PPP2R5E: variants seen among roughly 807,000 people sequenced by gnomAD.
The protein encoded by PPP2R5E is protein phosphatase 2 regulatory subunit B'epsilon, also known as serine/threonine-protein phosphatase 2A 56 kDa regulatory subunit epsilon isoform.
A neutral mutation model predicts 65.3 loss-of-function variants in PPP2R5E; 4 were observed. The ratio of observed to expected loss-of-function variants is 0.06; its 90% CI spans 0.03 to 0.14. The LOEUF is 0.14. Among genes scored for constraint, PPP2R5E ranks in the 10% least tolerant of loss-of-function variants. PPP2R5E has a pLI of 1.00. For synonymous variants in PPP2R5E, 183 were observed against 187.4 expected (o/e 0.98, Z 0.19); for missense variants, 274 against 556.1 (o/e 0.49, Z 5.10).
intron 2 of PPP2R5E, among the ~76,000 whole-genome samples, chr14:63,536,289 T>G (rs1409562433): frequency 2.0e-5 from 3 of 152,284 alleles, no homozygotes; most frequent in African/African-American, 7.2e-5. Flanking sequence ...ATGCTCAACA[T>G]CACTAATCAT....
At chr14:63,376,960 C>T (rs539873669) in intron 13 of PPP2R5E, among the ~76,000 whole-genome samples, 184 of 152,010 alleles carry the variant, frequency 1.2e-3, no homozygotes, top group African/African-American at 4.3e-3. Flanking sequence ...CAGTGAGACC[C>T]CGTCTCTACT....
intron 2 of PPP2R5E, among the ~76,000 whole-genome samples, chr14:63,518,879 T>G (rs1456321301): frequency 6.6e-6 from 1 of 152,074 alleles, no homozygotes; most frequent in African/African-American, 2.4e-5. Flanking sequence ...TTTACTTTCT[T>G]AATAAACTTG....
At chr14:63,417,615 A>C (rs1886773828) in intron 4 of PPP2R5E, among the ~76,000 whole-genome samples, 1 of 152,168 alleles carries the variant, frequency 6.6e-6, no homozygotes, top group Admixed American at 6.5e-5. Flanking sequence ...CCATTGTATC[A>C]TGTAGAATAT....
chr14:63,515,493 T>A (rs1892633770), intron 2 of PPP2R5E, among the ~76,000 whole-genome samples: 1 of 152,120 alleles, frequency 6.6e-6, no homozygotes, highest in South Asian at 2.1e-4. Context: ...CTACTTCAAA[T>A]ACACATAATG....
At chr14:63,465,335 C>G (rs527836656) in intron 2 of PPP2R5E, among the ~76,000 whole-genome samples, 1 of 150,428 alleles carries the variant, frequency 6.6e-6, no homozygotes, top group African/African-American at 2.4e-5. Flanking sequence ...AATTTTTGAC[C>G]GGGCATGGTG....
At chr14:63,384,337 C>G in intron 12 of PPP2R5E, 107 bp downstream of exon 12, 1 of 1,321,148 alleles carries the variant, frequency 7.6e-7, no homozygotes, top group South Asian at 1.3e-5. Flanking sequence ...TTTATCTTTT[C>G]ACATACGTCT....
chr14:63,518,134 G>A (rs1004275568), intron 2 of PPP2R5E, among the ~76,000 whole-genome samples: 6 of 152,186 alleles, frequency 3.9e-5, no homozygotes, highest in East Asian at 3.9e-4. Flanking sequence ...GTGTTGCAGC[G>A]ATGCAATCAC....
chr14:63,490,939 A>C (rs1481809355), intron 2 of PPP2R5E, among the ~76,000 whole-genome samples: 1 of 152,044 alleles, frequency 6.6e-6, no homozygotes, highest in African/African-American at 2.4e-5. Flanking sequence ...CTGCACTCTC[A>C]TGTTCATCAT....
chr14:63,401,289 T>C (rs1423615815), intron 5 of PPP2R5E, among the ~76,000 whole-genome samples: 2 of 152,126 alleles, frequency 1.3e-5, no homozygotes, highest in Admixed American at 6.6e-5. Flanking sequence ...TGAGTGTGCT[T>C]AGTCATATCT....
intron 2 of PPP2R5E, among the ~76,000 whole-genome samples, chr14:63,497,813 T>C (rs1323485701): frequency 6.6e-6 from 1 of 152,114 alleles, no homozygotes; most frequent in Admixed American, 6.5e-5. Flanking sequence ...TCAAGGTTTA[T>C]GCAGAAAGTG....
Position 63,391,981 on chromosome 14 carries a change from G to T in PPP2R5E, c.894C>A (p.Leu298=), listed in dbSNP as rs1319779880. The T allele has an allele frequency of 3.1e-6, 5 of 1,611,072 alleles. No individual in the cohort carries two copies. In the East Asian group the frequency reaches 1.1e-4, roughly 36 times the overall value. ...TGGAAAAAAGACTTACTGGTTCTGT[G>T]AGTGAAGGATCTTTCTCCAGAAACT... is the stretch of plus-strand genomic sequence containing the variant. ...IVQFLEKDPS[L]TEPVIRGLMK... The change falls in exon 9 of 14, where the codon CTC becomes CTA. Residue 298 remains leucine (L), a synonymous_variant. Coordinates refer to ENST00000337537, the MANE Select transcript of PPP2R5E (RefSeq NM_006246.5).
At chr14:63,468,607 C>G (rs1889958109) in intron 2 of PPP2R5E, among the ~76,000 whole-genome samples, 1 of 152,200 alleles carries the variant, frequency 6.6e-6, no homozygotes, top group Admixed American at 6.5e-5. Context: ...TGGATGAGCA[C>G]TGCCAAAACA....
At chr14:63,453,324 TAA>T (rs527370553) in intron 3 of PPP2R5E, 26 of 150,064 alleles carry the variant, frequency 1.7e-4, no homozygotes, top group Admixed American at 3.3e-4. Flanking sequence ...TGAATAAGAT[TAA>T]AAAAAAAAAA....
At chr14:63,507,572 TCTC>T (rs1892251416) in intron 2 of PPP2R5E, among the ~76,000 whole-genome samples, 1 of 145,234 alleles carries the variant, frequency 6.9e-6, no homozygotes, top group Non-Finnish European at 1.5e-5. Flanking sequence ...CAAGGGTAAT[TCTC>T]TTTTTTTTTT....
chr14:63,382,205 G>T, intron 12 of PPP2R5E, 48 bp from the exon 13 acceptor site: 1 of 1,456,284 alleles, frequency 6.9e-7, no homozygotes. Flanking sequence ...CTTATAAAAT[G>T]GGATACTGAA....
chr14:63,501,990 G>A (rs902048754), intron 2 of PPP2R5E, among the ~76,000 whole-genome samples: 3 of 152,130 alleles, frequency 2.0e-5, no homozygotes, highest in African/African-American at 7.2e-5. Flanking sequence ...CACCTCCAAG[G>A]TTCAAGCAAT....
chr14:63,404,464 G>A (rs1248340870), intron 5 of PPP2R5E, among the ~76,000 whole-genome samples: 1 of 152,114 alleles, frequency 6.6e-6, no homozygotes, highest in Non-Finnish European at 1.5e-5. Flanking sequence ...GCCAAATACA[G>A]AGAAAACAGC....
intron 4 of PPP2R5E, among the ~76,000 whole-genome samples, chr14:63,415,709 C>A (rs1353944281): frequency 2.6e-5 from 4 of 152,120 alleles, no homozygotes; most frequent in Non-Finnish European, 2.9e-5. Context: ...AACTATCATT[C>A]TTAGTAGCTG....
chr14:63,427,115 C>T (rs984985376), intron 3 of PPP2R5E, among the ~76,000 whole-genome samples: 9 of 152,206 alleles, frequency 5.9e-5, no homozygotes, highest in African/African-American at 1.9e-4. Flanking sequence ...AGGGCACTTG[C>T]ATGCTTATGC....
Sources: allele counts gnomAD v4.1 joint callset (sites outside exome capture counted in the v4.1 genomes callset), GRCh38; gene constraint gnomAD v4.1.1; transcripts MANE v1.5; gene names NCBI Gene and HGNC (gene_info 2026-07-23, HGNC 2026-07-21).